Variants in BRD4 observed in about 807,000 individuals in gnomAD.
BRD4 encodes bromodomain containing 4, also known as bromodomain-containing protein 4.
Under a neutral mutation model 142.1 loss-of-function variants are expected in BRD4, and 16 were observed. The observed-to-expected ratio is 0.11, with a 90% CI of 0.08 to 0.17. The LOEUF (loss-of-function observed/expected upper bound fraction) is 0.17, where lower values mean the gene tolerates loss of function less well. Among genes scored for constraint, BRD4 ranks in the 10% least tolerant of loss-of-function variants. BRD4 has a pLI of 1.00. For missense variants in BRD4, 1,424 were observed against 1,810.9 expected (o/e 0.79, Z 3.88); for synonymous variants, 833 against 707.5 (o/e 1.18, Z -2.82).
At chr19:15,250,053 G>A (rs1338054225) in intron 11 of BRD4, among the ~76,000 whole-genome samples, 2 of 152,140 alleles carry the variant, frequency 1.3e-5, no homozygotes, top group Non-Finnish European at 2.9e-5. Flanking sequence ...CCACGTAGCA[G>A]AGCGGATGCC....
intron 1 of BRD4, among the ~76,000 whole-genome samples, chr19:15,292,087 C>T (rs922939435): frequency 2.0e-5 from 3 of 152,212 alleles, no homozygotes; most frequent in African/African-American, 7.2e-5. Flanking sequence ...AGCCACTCAG[C>T]TAATCAAAGC....
At chr19:15,265,676 C>T (rs199941332) in intron 4 of BRD4, 33 bp from the exon 5 acceptor site, 11 of 1,611,908 alleles carry the variant, frequency 6.8e-6, no homozygotes, top group Non-Finnish European at 9.3e-6. Flanking sequence ...GAGTTAGAGA[C>T]CATGCTGACA....
rs1215016822 is a variant in BRD4 at position 15,236,923 on chromosome 19, C to G, written c.*1454G>C. The G allele has an allele frequency of 4.8e-6, 1 of 206,808 alleles. No homozygotes were observed. The highest frequency in any genetic ancestry group is 9.8e-6 in the Non-Finnish European group (1 of 101,648). The allele number at this position is 206,808 out of a possible 1,614,324, so 12.8% of individuals were successfully genotyped here. On this transcript the variant is annotated 3_prime_UTR_variant, in exon 20 of 20. Transcript: ENST00000679869. ...ATGAAAGTCAAACCAGTCAGTGACTCCAGAGTTTGGCCAACACTGAGGCAC... is the reference window on the plus strand; with the variant it reads ...ATGAAAGTCAAACCAGTCAGTGACTGCAGAGTTTGGCCAACACTGAGGCAC...
chr19:15,324,114 C>T (rs1051572575), intron 1 of BRD4, among the ~76,000 whole-genome samples: 4 of 152,066 alleles, frequency 2.6e-5, no homozygotes, highest in African/African-American at 9.7e-5. Context: ...CTCTGGTACA[C>T]GGCTCCACCC....
intron 1 of BRD4, among the ~76,000 whole-genome samples, chr19:15,286,634 G>C (rs2047742266): frequency 6.6e-6 from 1 of 152,114 alleles, no homozygotes; most frequent in South Asian, 2.1e-4. Flanking sequence ...ATGCCCCACA[G>C]TCACAGCACA....
At chr19:15,313,623 C>CAGAG (rs1402612869) in intron 1 of BRD4, among the ~76,000 whole-genome samples, 1 of 151,956 alleles carries the variant, frequency 6.6e-6, no homozygotes, top group Non-Finnish European at 1.5e-5. Context: ...TTGCAGTGAG[C>CAGAG]CGAGATTGCG....
intron 11 of BRD4, among the ~76,000 whole-genome samples, chr19:15,252,066 A>G (rs1391491309): frequency 6.6e-6 from 1 of 152,036 alleles, no homozygotes; most frequent in Admixed American, 6.5e-5. Flanking sequence ...ACTTTTTTTT[A>G]AAGTGGGGGA....
chr19:15,291,097 C>T (rs1049239849), intron 1 of BRD4, among the ~76,000 whole-genome samples: 7 of 152,222 alleles, frequency 4.6e-5, no homozygotes, highest in African/African-American at 1.7e-4. Context: ...ACCACCACCC[C>T]GATCCTGTTC....
chr19:15,306,949 T>G (rs976405623), intron 1 of BRD4, among the ~76,000 whole-genome samples: 2 of 152,146 alleles, frequency 1.3e-5, no homozygotes, highest in African/African-American at 4.8e-5. Context: ...ATAAAAGACT[T>G]GCTCAATGCA....
intron 1 of BRD4, among the ~76,000 whole-genome samples, chr19:15,328,905 C>A (rs1038686519): frequency 6.6e-6 from 1 of 152,200 alleles, no homozygotes; most frequent in Non-Finnish European, 1.5e-5. Flanking sequence ...TCCCGAGTAG[C>A]TGGGATTACA....
chr19:15,313,599 C>A (rs1168610982), intron 1 of BRD4, among the ~76,000 whole-genome samples: 2 of 151,882 alleles, frequency 1.3e-5, no homozygotes, highest in Non-Finnish European at 2.9e-5. Flanking sequence ...TTGCTTGAAC[C>A]CGGCAGGCGG....
chr19:15,306,329 C>T (rs1309931951), intron 1 of BRD4, among the ~76,000 whole-genome samples: 1 of 152,150 alleles, frequency 6.6e-6, no homozygotes, highest in Non-Finnish European at 1.5e-5. Flanking sequence ...AGTGCAGTGG[C>T]ATGATCACAG....
At chr19:15,252,057 C>CT (rs1409477003) in intron 11 of BRD4, among the ~76,000 whole-genome samples, 2 of 152,070 alleles carry the variant, frequency 1.3e-5, no homozygotes, top group East Asian at 1.9e-4. Context: ...AATCTTTCCA[C>CT]TTTTTTTTAA....
chr19:15,322,302 C>T (rs902045985), intron 1 of BRD4, among the ~76,000 whole-genome samples: 5 of 152,042 alleles, frequency 3.3e-5, no homozygotes, highest in South Asian at 2.1e-4. Flanking sequence ...GATGGAGTCT[C>T]GCTCTGTCGC....
chr19:15,286,819 A>C (rs2145658390), intron 1 of BRD4, among the ~76,000 whole-genome samples: 1 of 152,328 alleles, frequency 6.6e-6, no homozygotes, highest in East Asian at 1.9e-4. Flanking sequence ...TAAAGTAAAA[A>C]TTCATTTCCT....
chr19:15,263,750 C>A (rs563525756), intron 6 of BRD4, among the ~76,000 whole-genome samples: 3 of 152,320 alleles, frequency 2.0e-5, no homozygotes, highest in African/African-American at 7.2e-5. Context: ...TCCCAGCTCA[C>A]CTGCCTGGCT....
chr19:15,329,921 A>G (rs1352957650), intron 1 of BRD4, among the ~76,000 whole-genome samples: 1 of 152,228 alleles, frequency 6.6e-6, no homozygotes, highest in Non-Finnish European at 1.5e-5. Context: ...AACAAAGTCT[A>G]AATTCCTTTA....
intron 11 of BRD4, chr19:15,246,592 G>A (rs1216037126): frequency 6.6e-6 from 1 of 152,228 alleles, no homozygotes; most frequent in Non-Finnish European, 1.5e-5. Flanking sequence ...GTTGTCTCGT[G>A]GCCTTGGAAG....
At chr19:15,300,537 A>G (rs2047858564) in intron 1 of BRD4, among the ~76,000 whole-genome samples, 1 of 152,144 alleles carries the variant, frequency 6.6e-6, no homozygotes, top group African/African-American at 2.4e-5. Flanking sequence ...CCTGGGTGAT[A>G]GTGGGAGACT....
Sources: allele counts gnomAD v4.1 joint callset (sites outside exome capture counted in the v4.1 genomes callset), GRCh38; gene constraint gnomAD v4.1.1; transcripts MANE v1.5; gene names NCBI Gene and HGNC (gene_info 2026-07-23, HGNC 2026-07-21).